TCTN2: variants seen among roughly 807,000 people sequenced by gnomAD.
The protein encoded by TCTN2 is tectonic family member 2.
Under a neutral mutation model 83.4 loss-of-function variants are expected in TCTN2, and 66 were observed. The observed-to-expected ratio is 0.79, with a 90% confidence interval of 0.65 to 0.97. The LOEUF is 0.97. TCTN2 is among the 50% of genes least tolerant of loss of function. TCTN2 has a pLI of 0.00. For missense variants in TCTN2, 794 were observed against 858.1 expected, an observed-to-expected ratio of 0.93 and a Z score of 0.93; for synonymous variants, 301 against 326.7, an observed-to-expected ratio of 0.92 and a Z score of 0.85.
chr12:123,691,069 G>C (rs1956035221), intron 8 of TCTN2, among the ~76,000 whole-genome samples: 2 of 152,028 alleles, frequency 1.3e-5, no homozygotes, highest in South Asian at 4.1e-4. Context: ...GGGTTTCACT[G>C]TGTTGGCCAG....
intron 5 of TCTN2, among the ~76,000 whole-genome samples, chr12:123,681,494 T>C (rs7963968): frequency 0.36 from 54,558 of 152,078 alleles, 10,274 homozygotes; most frequent in African/African-American, 0.41. Flanking sequence ...TCATGCAATA[T>C]GTGGTCTTCA....
At chr12:123,672,184 G>C (rs767554875) in intron 3 of TCTN2, 52 bp downstream of exon 3, 1 of 1,491,962 alleles carries the variant, frequency 6.7e-7, no homozygotes, top group Non-Finnish European at 9.4e-7. Context: ...CCCCCAGCTA[G>C]GGTTTCTGCA....
intron 7 of TCTN2, among the ~76,000 whole-genome samples, chr12:123,689,388 A>G (rs535266643): frequency 7.2e-5 from 11 of 152,144 alleles, no homozygotes; most frequent in East Asian, 1.9e-4. Flanking sequence ...GGGTTTCACT[A>G]TGTTGCCCAG....
At chr12:123,690,736 A>G (rs1956031755) in intron 8 of TCTN2, 62 bp downstream of exon 8, 1 of 1,580,682 alleles carries the variant, frequency 6.3e-7, no homozygotes, top group South Asian at 1.1e-5. Context: ...GTATGATCTC[A>G]TGAGAGTATA....
intron 8 of TCTN2, among the ~76,000 whole-genome samples, chr12:123,691,618 A>G (rs1179151325): frequency 6.6e-6 from 1 of 152,064 alleles, no homozygotes; most frequent in African/African-American, 2.4e-5. Context: ...ACTCGTGTCC[A>G]AGTTTTTGCG....
intron 4 of TCTN2, 80 bp from the exon 5 acceptor site, chr12:123,679,109 T>C (rs902728956): frequency 5.2e-6 from 7 of 1,347,194 alleles, no homozygotes; most frequent in Middle Eastern, 1.9e-4. Flanking sequence ...TAATTCAGCT[T>C]TCTTTTGAAT....
chr12:123,704,522 A>G lies in TCTN2; in HGVS notation c.1613-10A>G. Reference sequence around the variant, plus strand: ...TTCTTTGAAAAGTGTATAACTTAACATTTCTATAGGTGTAGATGCCCCTGA... The same window carrying G: ...TTCTTTGAAAAGTGTATAACTTAACGTTTCTATAGGTGTAGATGCCCCTGA... On this transcript the variant is annotated splice_polypyrimidine_tract_variant and intron_variant, in intron 14 of 17. Transcript: ENST00000303372. 1 of 1,605,742 alleles carries G rather than the reference A, an allele frequency of 6.2e-7. No individual in the cohort carries two copies. Among genetic ancestry groups the G allele is most frequent in the Non-Finnish European group, 8.5e-7 (1 of 1,175,986 alleles).
intron 4 of TCTN2, among the ~76,000 whole-genome samples, chr12:123,676,025 TC>T (rs955016248): frequency 2.6e-5 from 4 of 152,106 alleles, no homozygotes; most frequent in African/African-American, 9.7e-5. Flanking sequence ...ATGCCTGTAA[TC>T]CCAACACTTT....
chr12:123,700,435 TG>T (rs1373067863), intron 14 of TCTN2, among the ~76,000 whole-genome samples: 1 of 152,048 alleles, frequency 6.6e-6, no homozygotes, highest in Non-Finnish European at 1.5e-5. Context: ...TTTGTTTGTT[TG>T]GTTGGTTTTT....
intron 10 of TCTN2, 62 bp from the exon 11 acceptor site, chr12:123,695,158 G>A: frequency 1.4e-6 from 2 of 1,388,212 alleles, no homozygotes; most frequent in South Asian, 2.3e-5. Flanking sequence ...AAACACTATG[G>A]AGAATAATTT....
chr12:123,700,033 A>G, intron 14 of TCTN2: 1 of 599,120 alleles, frequency 1.7e-6, no homozygotes. Context: ...TTTTTTTGAG[A>G]CAGGGTTTCA....
chr12:123,705,746 C>T, intron 15 of TCTN2, among the ~76,000 whole-genome samples: 1 of 146,596 alleles, frequency 6.8e-6, no homozygotes, highest in African/African-American at 2.6e-5. Flanking sequence ...CCTCCTCTTT[C>T]CTTTCTTTCT....
Position 123,699,722 on chromosome 12 carries a change from A to C in TCTN2, c.1524A>C (p.Arg508Ser), listed in dbSNP as rs1390496079. Residue 508 changes from arginine (R) to serine (S), a missense_variant, in exon 14 of 18, where the codon AGA becomes AGC. Arg to Ser is a moderately radical substitution (Grantham distance 110, BLOSUM62 -1). Transcript: ENST00000303372. ...CTTGCAGGGAGAATGCTGTTGAAAG[A>C]CTTGATTCATTAATACAAGCGACTC... is the stretch of plus-strand genomic sequence containing the variant. Reference protein sequence around the residue: ...CTQLRENAVERLDSLIQATHV... With the variant: ...CTQLRENAVESLDSLIQATHV... The C allele has an allele frequency of 6.2e-7, 1 of 1,613,986 alleles. No homozygotes were observed. Among genetic ancestry groups the C allele is most frequent in the Non-Finnish European group, 8.5e-7 (1 of 1,179,920 alleles).
intron 4 of TCTN2, among the ~76,000 whole-genome samples, chr12:123,675,792 T>C (rs556351395): frequency 6.6e-6 from 1 of 152,316 alleles, no homozygotes; most frequent in East Asian, 1.9e-4. Flanking sequence ...GTGAGGAATT[T>C]TTTAATATGC....
chr12:123,672,611 A>G (rs1338914790), intron 3 of TCTN2, among the ~76,000 whole-genome samples: 1 of 151,652 alleles, frequency 6.6e-6, no homozygotes, highest in Non-Finnish European at 1.5e-5. Context: ...GCGTACACCT[A>G]CAGTCCCAGA....
At chr12:123,704,887 G>C (rs1050371465) in intron 15 of TCTN2, among the ~76,000 whole-genome samples, 199 bp downstream of exon 15, 1 of 152,116 alleles carries the variant, frequency 6.6e-6, no homozygotes, top group African/African-American at 2.4e-5. Context: ...TATTTATAAA[G>C]CCATATGTAA....
At chr12:123,685,605 G>C (rs1955954699) in intron 5 of TCTN2, among the ~76,000 whole-genome samples, 1 of 151,556 alleles carries the variant, frequency 6.6e-6, no homozygotes. Context: ...TTTTAGTAGA[G>C]ATGGGGTTTC....
In TCTN2 at chr12:123,671,518, C is replaced by G; in HGVS notation, c.94C>G (p.Pro32Ala). 6.2e-7 allele frequency: 1 copy of G among 1,614,166 alleles called. No homozygotes were observed. The highest frequency in any genetic ancestry group is 1.1e-5 in the South Asian group (1 of 91,082). The change falls in exon 2 of 18, where the codon CCT becomes GCT. Residue 32 changes from proline (P) to alanine (A), a missense_variant. Physicochemically the swap from Pro to Ala is conservative, Grantham distance 27 (BLOSUM62 -1). Coordinates refer to ENST00000303372, the MANE Select transcript of TCTN2 (RefSeq NM_024809.5). ...TCCTTCCCGCCTAGCTTTCATCCCT[C>G]CTTTTATCCGAATGTCCGGCCCTGC... ...LLWGDLAFIP[P>A]FIRMSGPAVS...
In TCTN2 at chr12:123,697,783, C is replaced by T. The variant is rs149275086; in HGVS notation, c.1505+585C>T. ...TGCTGGGATTATAGGCGTAAGCCACCGCGCCTGGCCTCATTGGAACCTTAT... is the reference window on the plus strand; with the variant it reads ...TGCTGGGATTATAGGCGTAAGCCACTGCGCCTGGCCTCATTGGAACCTTAT... On this transcript the variant is annotated intron_variant, in intron 13 of 17. Transcript: ENST00000303372. Among the ~76,000 whole-genome samples the T allele has an allele frequency of 7.0e-3, 1,057 of 151,712 alleles. 6 individuals carry two copies. The highest frequency in any genetic ancestry group is 0.024 in the African/African-American group (968 of 41,186).
Sources: gnomAD v4.1 joint callset for allele counts (sites outside exome capture counted in the v4.1 genomes callset) on GRCh38, gnomAD v4.1.1 for gene constraint, MANE v1.5 for transcripts, NCBI Gene and HGNC (gene_info 2026-07-23, HGNC 2026-07-21) for gene names.